FER1L6: variants seen among roughly 807,000 people sequenced by gnomAD.
The protein encoded by FER1L6 is fer-1 like family member 6, also known as fer-1-like protein 6.
Under a neutral mutation model 219.2 loss-of-function variants are expected in FER1L6, and 177 were observed. That is an observed-to-expected ratio of 0.81 (90% confidence interval 0.71 to 0.91). The LOEUF (loss-of-function observed/expected upper bound fraction) is 0.91. FER1L6 is among the 40% of genes least tolerant of loss of function. FER1L6 has a pLI of 0.00. For synonymous variants in FER1L6, 768 were observed against 824.3 expected (o/e 0.93, Z 1.17); for missense variants, 2,153 against 2,259.9 (o/e 0.95, Z 0.96).
Position 124,035,396 on chromosome 8 carries a change from A to G in FER1L6, c.2406A>G (p.Ala802=). ...ACAACTTGCCAGTAGGCTATGAAGC[A>G]GAAATGTCCTCCAAAGGGGCTGGCA... ...ILDNLPVGYE[A]EMSSKGAGTN... is the part of the protein sequence containing the mutation. Residue 802 remains alanine, a synonymous_variant, in exon 19 of 41, where the codon GCA becomes GCG. Transcript: ENST00000522917. 1 of 1,614,020 alleles carries G rather than the reference A, an allele frequency of 6.2e-7. No homozygotes were observed. The highest frequency in any genetic ancestry group is 1.1e-5 in the South Asian group (1 of 91,072).
chr8:123,914,226 C>T (rs1333592160), intron 1 of FER1L6, among the ~76,000 whole-genome samples: 1 of 152,148 alleles, frequency 6.6e-6, no homozygotes, highest in Non-Finnish European at 1.5e-5. Context: ...ATCAGACATC[C>T]CTGTTCTAGG....
chr8:124,048,491 G>T (rs1819835505), intron 21 of FER1L6, among the ~76,000 whole-genome samples: 1 of 152,094 alleles, frequency 6.6e-6, no homozygotes, highest in African/African-American at 2.4e-5. Flanking sequence ...TTGCAAAAGA[G>T]GCAGGAAGCA....
chr8:124,071,484 G>C, intron 30 of FER1L6, 22 bp from the exon 31 acceptor site: 1 of 1,613,626 alleles, frequency 6.2e-7, no homozygotes, highest in Non-Finnish European at 8.5e-7. Flanking sequence ...TCATTTCAAT[G>C]GGTTGCGTTT....
rs779811697 is a variant in FER1L6 at position 124,064,416 on chromosome 8, A to T, written c.3398A>T (p.Asp1133Val). Residue 1133 changes from aspartate to valine, a missense_variant, in exon 26 of 41, where the codon GAT (aspartate) becomes GTT (valine). Physicochemically the swap from Asp to Val is radical, Grantham distance 152 (BLOSUM62 -3). Coordinates refer to ENST00000522917, the MANE Select transcript of FER1L6 (RefSeq NM_001039112.2). Reference sequence around the variant, plus strand: ...AGCTCCTCCCAGGATCCCCCAGCAGATCACATTTATGTGGATGTTGAGCCA... The same window carrying T: ...AGCTCCTCCCAGGATCCCCCAGCAGTTCACATTTATGTGGATGTTGAGCCA... ...AHSSSQDPPA[D>V]HIYVDVEPPP... The T allele has an allele frequency of 2.0e-5, 33 of 1,613,704 alleles. No homozygotes were observed. The highest frequency in any genetic ancestry group is 2.8e-5 in the Non-Finnish European group (33 of 1,179,876).
Position 124,060,453 on chromosome 8 carries a change from T to C in FER1L6, c.2986-95T>C. ...TTCCTGGAGGAACACAGCGTGGTTC[T>C]CAGGGAGCAGGTCTAACTTTTCCAC... is the stretch of plus-strand genomic sequence containing the variant. On this transcript the variant is annotated intron_variant, in intron 23 of 40. Coordinates refer to ENST00000522917, the MANE Select transcript of FER1L6 (RefSeq NM_001039112.2). 2.6e-6 allele frequency: 4 copies of C among 1,532,560 alleles called. No individual in the cohort carries two copies. The South Asian group carries it at 4.7e-5, about 18-fold the overall frequency. The allele number at this position is 1,532,560 out of a possible 1,614,324, so 94.9% of individuals were successfully genotyped here.
intron 39 of FER1L6, among the ~76,000 whole-genome samples, chr8:124,117,883 G>T (rs943452583): frequency 6.6e-6 from 1 of 152,028 alleles, no homozygotes; most frequent in Non-Finnish European, 1.5e-5. Context: ...TCATACCTCC[G>T]AAGTCAAGTA....
intron 25 of FER1L6, 65 bp downstream of exon 25, chr8:124,062,097 C>T: frequency 6.4e-7 from 1 of 1,553,772 alleles, no homozygotes; most frequent in Non-Finnish European, 8.8e-7. Flanking sequence ...AGAGTGCCTG[C>T]TGTGGGATTG....
chr8:124,005,505 A>T (rs143814708), intron 13 of FER1L6, among the ~76,000 whole-genome samples: 8 of 152,196 alleles, frequency 5.3e-5, no homozygotes, highest in African/African-American at 1.4e-4. Context: ...ACAAAGCCCA[A>T]TTCCATTCCC....
chr8:124,031,309 A>C (rs1314805903), intron 18 of FER1L6, among the ~76,000 whole-genome samples: 3 of 152,198 alleles, frequency 2.0e-5, no homozygotes, highest in African/African-American at 7.2e-5. Flanking sequence ...AAGATCCCAA[A>C]ATAGGGGGAA....
At chr8:123,875,353 A>G (rs1180634344) in intron 1 of FER1L6, among the ~76,000 whole-genome samples, 1 of 152,084 alleles carries the variant, frequency 6.6e-6, no homozygotes, top group South Asian at 2.1e-4. Context: ...TTCACTCTTC[A>G]GTTTCTGGGA....
chr8:123,893,201 G>T (rs1246620628), intron 1 of FER1L6, among the ~76,000 whole-genome samples: 1 of 152,152 alleles, frequency 6.6e-6, no homozygotes, highest in African/African-American at 2.4e-5. Flanking sequence ...TCCAGAGCTT[G>T]CTTCTTTGGG....
intron 7 of FER1L6, among the ~76,000 whole-genome samples, chr8:123,974,860 T>C (rs1337593467): frequency 6.6e-6 from 1 of 151,752 alleles, no homozygotes; most frequent in East Asian, 1.9e-4. Flanking sequence ...TTCATTAATG[T>C]CCCCCTATTC....
chr8:124,017,486 G>A (rs1385826848), intron 15 of FER1L6, 142 bp from the exon 16 acceptor site: 4 of 588,386 alleles, frequency 6.8e-6, no homozygotes, highest in Admixed American at 3.2e-5. Flanking sequence ...ATACATAGTT[G>A]CTTAATCCTA....
At chr8:124,066,608 C>T in intron 27 of FER1L6, 58 bp downstream of exon 27, 4 of 1,589,212 alleles carry the variant, frequency 2.5e-6, no homozygotes, top group Non-Finnish European at 3.4e-6. Flanking sequence ...ACAGCACCTT[C>T]TCCTACCCTA....
chr8:124,030,694 T>C (rs1818920633), intron 18 of FER1L6, among the ~76,000 whole-genome samples: 1 of 152,164 alleles, frequency 6.6e-6, no homozygotes, highest in Non-Finnish European at 1.5e-5. Context: ...AGGTTCCAGC[T>C]TTCCATCTAG....
rs188012725 is a variant in FER1L6, at chr8:124,000,739, T to A, written c.1520-2428T>A. ...GGAAAGCCATTCCCAGAAAGAGCAT[T>A]CCATCACAGAAGGTCATGATTTATA... On this transcript the variant is annotated intron_variant, in intron 12 of 40. Coordinates refer to ENST00000522917, the MANE Select transcript of FER1L6 (RefSeq NM_001039112.2). 2.1e-4 allele frequency among the ~76,000 whole-genome samples: 32 copies of A among 152,324 alleles called. No individual in the cohort carries two copies. In the East Asian group the frequency reaches 4.4e-3, roughly 21 times the overall value.
At chr8:123,965,985 A>G in intron 3 of FER1L6, 22 bp from the exon 4 acceptor site, 1 of 1,594,036 alleles carries the variant, frequency 6.3e-7, no homozygotes, top group Non-Finnish European at 8.6e-7. Flanking sequence ...TGAAACAAAC[A>G]TATTAAACTT....
chr8:124,022,575 C>A (rs1409090061), intron 17 of FER1L6, among the ~76,000 whole-genome samples: 1 of 152,190 alleles, frequency 6.6e-6, no homozygotes, highest in Admixed American at 6.5e-5. Context: ...TGAATAACCA[C>A]TTAAAATGGA....
At chr8:123,996,545 G>A (rs1817143058) in intron 12 of FER1L6, among the ~76,000 whole-genome samples, 1 of 151,966 alleles carries the variant, frequency 6.6e-6, no homozygotes, top group Non-Finnish European at 1.5e-5. Context: ...TTTCTTGTAG[G>A]CAGCAGATCA....
Sources: allele counts gnomAD v4.1 joint callset (sites outside exome capture counted in the v4.1 genomes callset), GRCh38; gene constraint gnomAD v4.1.1; transcripts MANE v1.5; gene names NCBI Gene and HGNC (gene_info 2026-07-23, HGNC 2026-07-21).